Variants in MED14 observed in about 807,000 individuals in gnomAD.
MED14 encodes the protein mediator complex subunit 14.
MED14 carries 8 observed loss-of-function variants against 109.0 expected under a neutral mutation model. The ratio of observed to expected loss-of-function variants is 0.07; its 90% confidence interval spans 0.04 to 0.13. The LOEUF (loss-of-function observed/expected upper bound fraction) is 0.13, where lower values mean the gene tolerates loss of function less well. MED14 is among the 10% of genes least tolerant of loss of function. The pLI, the probability that MED14 is intolerant of heterozygous loss-of-function variation, is 1.00. For synonymous variants in MED14, 399 were observed against 408.7 expected, an observed-to-expected ratio of 0.98 and a Z score of 0.29; for missense variants, 711 against 1,142.4, an observed-to-expected ratio of 0.62 and a Z score of 5.44.
At chrX:40,700,146 C>T (rs1424200258) in intron 12 of MED14, among the ~76,000 whole-genome samples, 1 of 108,197 alleles carries the variant, frequency 9.2e-6, no homozygotes, top group Non-Finnish European at 1.9e-5. Flanking sequence ...GAGACTCTGT[C>T]TCAATAAAAA....
chrX:40,666,292 G>A (rs1366328490), intron 24 of MED14, among the ~76,000 whole-genome samples: 3 of 110,737 alleles, frequency 2.7e-5, no homozygotes, highest in African/African-American at 9.9e-5. Context: ...TTTTTATCTA[G>A]TTGAATCAAT....
At chrX:40,716,524 A>G (rs938074042) in intron 3 of MED14, among the ~76,000 whole-genome samples, 2 of 108,154 alleles carry the variant, frequency 1.8e-5, no homozygotes, top group African/African-American at 6.8e-5. Flanking sequence ...CAGGAGGTTG[A>G]CGCTGCAAAG....
intron 10 of MED14, among the ~76,000 whole-genome samples, 183 bp downstream of exon 10, chrX:40,709,165 G>A (rs1040750995): frequency 6.3e-5 from 7 of 111,559 alleles, no homozygotes; most frequent in African/African-American, 2.3e-4. Context: ...ATAAGGCCAA[G>A]CTAAATAAGT....
chrX:40,684,189 G>A (rs1930220817), intron 16 of MED14, among the ~76,000 whole-genome samples: 1 of 111,536 alleles, frequency 9.0e-6, no homozygotes, highest in African/African-American at 3.3e-5. Context: ...ATTTGGGGCT[G>A]GAAAATCCTT....
intron 8 of MED14, among the ~76,000 whole-genome samples, chrX:40,710,780 T>C (rs1162379447): frequency 8.9e-6 from 1 of 112,359 alleles, no homozygotes; most frequent in Non-Finnish European, 1.9e-5. Flanking sequence ...GTGTCAACTA[T>C]GGATGTCCTA....
At chrX:40,652,795 A>C (rs1264922293) in intron 30 of MED14, among the ~76,000 whole-genome samples, 1 of 111,290 alleles carries the variant, frequency 9.0e-6, no homozygotes, top group African/African-American at 3.3e-5. Flanking sequence ...AATATTATAA[A>C]CCAAAAGCTG....
Position 40,650,540 on chromosome X carries a change from AAGACCTTTGCATC to A in MED14, c.*1253_*1265del, listed in dbSNP as rs1311843491. 1.3e-6 allele frequency: 1 copy of A among 752,549 alleles called. No homozygotes were observed. Among genetic ancestry groups the A allele is most frequent in the Non-Finnish European group, 1.6e-6 (1 of 639,094 alleles). 62.0% of individuals were successfully genotyped at this position (752,549 alleles called of 1,213,427 possible). A position where few individuals can be genotyped will look rare whatever the true frequency, so the allele number is the denominator to read the frequency against. On this transcript the variant is annotated 3_prime_UTR_variant, in exon 31 of 31. Transcript: ENST00000324817. ...TTCCTAAATACCATGAAGTCGGTAG[AAGACCTTTGCATC>A]AGACCATGTTCTTTGAAGCTTAAAA...
intron 11 of MED14, among the ~76,000 whole-genome samples, 188 bp downstream of exon 11, chrX:40,703,256 T>A (rs757101153): frequency 1.1e-4 from 12 of 112,502 alleles, no homozygotes; most frequent in Non-Finnish European, 2.3e-4. Flanking sequence ...TAACATCTGC[T>A]ACAAGAAAAT....
chrX:40,652,272 G>A (rs140061324), intron 30 of MED14, among the ~76,000 whole-genome samples: 1 of 111,834 alleles, frequency 8.9e-6, no homozygotes, highest in East Asian at 2.8e-4. Context: ...AACTTTGGTG[G>A]TATCTTTCAA....
At chrX:40,727,346 G>A (rs1931927064) in intron 2 of MED14, among the ~76,000 whole-genome samples, 1 of 111,624 alleles carries the variant, frequency 9.0e-6, no homozygotes, top group East Asian at 2.8e-4. Flanking sequence ...TTCCCATCCT[G>A]CACCAGCATG....
intron 2 of MED14, among the ~76,000 whole-genome samples, chrX:40,728,690 T>G (rs1346842914): frequency 8.9e-6 from 1 of 112,170 alleles, no homozygotes; most frequent in Admixed American, 9.5e-5. Context: ...AGCCTTAAGT[T>G]AAATCTTAAG....
Position 40,735,503 on chromosome X carries a change from C to T in MED14, c.-91G>A. ...GTCACCGCGCCGAAACGGGAGCGGG[C>T]AGAGTCGCCACCGCCTACCGCCGGG... On this transcript the variant is annotated 5_prime_UTR_variant, in exon 1 of 31. Coordinates refer to ENST00000324817, the MANE Select transcript of MED14 (RefSeq NM_004229.4). The T allele has an allele frequency of 1.1e-6, 1 of 873,811 alleles. No individual in the cohort carries two copies. The highest frequency in any genetic ancestry group is 1.6e-6 in the Non-Finnish European group (1 of 617,609). 72.0% of individuals were successfully genotyped at this position (873,811 alleles called of 1,213,427 possible). A position where few individuals can be genotyped will look rare whatever the true frequency, so the allele number is the denominator to read the frequency against.
intron 10 of MED14, among the ~76,000 whole-genome samples, chrX:40,705,979 C>T (rs745743224): frequency 8.1e-4 from 90 of 111,458 alleles, no homozygotes; most frequent in Middle Eastern, 9.2e-3. Flanking sequence ...TTTCTACCCC[C>T]ACGAAACCAC....
At position 40,692,803 on chromosome X, in the gene MED14, T is replaced by G. The variant is rs753180137; in HGVS notation, c.1750A>C (p.Met584Leu). 17 of 1,207,749 alleles carry G rather than the reference T, an allele frequency of 1.4e-5. No homozygotes were observed. The Admixed American group carries it at 3.8e-4, about 27-fold the overall frequency. ...NAADREDSPA[M>L]ALLLQQFKEN... is the part of the protein sequence containing the mutation. Reference sequence around the variant, plus strand: ...TTGAACTGCTGCAGCAGCAATGCCATTGCAGGGCTGTCTTCACGATCTGCA... The same window carrying G: ...TTGAACTGCTGCAGCAGCAATGCCAGTGCAGGGCTGTCTTCACGATCTGCA... Residue 584 changes from methionine to leucine, a missense_variant, in exon 14 of 31, where the codon ATG (methionine) becomes CTG (leucine). By Grantham distance (15) the Met-to-Leu change is conservative. Transcript: ENST00000324817.
chrX:40,697,223 T>G (rs769338550), intron 12 of MED14, 40 bp from the exon 13 acceptor site: 5 of 954,728 alleles, frequency 5.2e-6, no homozygotes, highest in Non-Finnish European at 7.4e-6. Context: ...ATCTCAGACT[T>G]TTCTGATTAT....
At chrX:40,722,460 T>C (rs1192352618) in intron 3 of MED14, among the ~76,000 whole-genome samples, 2 of 111,420 alleles carry the variant, frequency 1.8e-5, no homozygotes, top group Admixed American at 9.5e-5. Context: ...GAAGCACACC[T>C]ACAAGATTTA....
At chrX:40,669,316 A>T (rs1929635959) in intron 23 of MED14, among the ~76,000 whole-genome samples, 1 of 111,778 alleles carries the variant, frequency 8.9e-6, no homozygotes, top group Admixed American at 9.4e-5. Flanking sequence ...GGGGTTCTAC[A>T]ATCCTGTTTC....
intron 3 of MED14, among the ~76,000 whole-genome samples, chrX:40,724,475 A>G (rs1006291947): frequency 2.7e-5 from 3 of 112,611 alleles, no homozygotes; most frequent in Non-Finnish European, 5.6e-5. Context: ...AACTGAAATA[A>G]TATCAAGCAT....
chrX:40,698,737 A>G (rs1217131883), intron 12 of MED14, among the ~76,000 whole-genome samples: 1 of 112,140 alleles, frequency 8.9e-6, no homozygotes, highest in East Asian at 2.8e-4. Flanking sequence ...ACTCATTATT[A>G]GGATGTCTAT....
Sources: allele counts gnomAD v4.1 joint callset (sites outside exome capture counted in the v4.1 genomes callset), GRCh38; gene constraint gnomAD v4.1.1; transcripts MANE v1.5; gene names NCBI Gene and HGNC (gene_info 2026-07-23, HGNC 2026-07-21).